The following FRMPD4 variants were observed in gnomAD, a reference collection of about 807,000 sequenced individuals.
The protein encoded by FRMPD4 is FERM and PDZ domain containing 4, also known as FERM and PDZ domain-containing protein 4.
A neutral mutation model predicts 94.1 loss-of-function variants in FRMPD4; 22 were observed. That is an observed-to-expected ratio of 0.23 (90% CI 0.17 to 0.33). FRMPD4 has a LOEUF of 0.33. FRMPD4 is among the 10% of genes least tolerant of loss of function. The probability of loss-of-function intolerance (pLI) is 1.00; values close to 1 mark genes in which losing one functional copy is unlikely to be tolerated. For synonymous variants in FRMPD4, 631 were observed against 548.6 expected, an observed-to-expected ratio of 1.15 and a Z score of -2.10; for missense variants, 1,111 against 1,339.9, an observed-to-expected ratio of 0.83 and a Z score of 2.67.
chrX:12,363,024 G>A (rs1427801080), intron 1 of FRMPD4, among the ~76,000 whole-genome samples: 3 of 112,128 alleles, frequency 2.7e-5, no homozygotes, highest in South Asian at 3.7e-4. Flanking sequence ...GTGTCTGTTC[G>A]TATCCCTCGC....
At chrX:11,886,244 AC>A (rs2053844466) in intron 3 of FRMPD4, among the ~76,000 whole-genome samples, 1 of 111,721 alleles carries the variant, frequency 9.0e-6, no homozygotes, top group African/African-American at 3.3e-5. Context: ...CCGAATATGC[AC>A]CCCAAGTTTT....
intron 1 of FRMPD4, among the ~76,000 whole-genome samples, chrX:12,390,629 G>A (rs765716681): frequency 4.5e-5 from 5 of 111,726 alleles, no homozygotes; most frequent in Non-Finnish European, 9.4e-5. Flanking sequence ...AGAAATTGAT[G>A]CCCCCAAAGA....
chrX:12,226,911 A>G (rs754974080), intron 1 of FRMPD4, among the ~76,000 whole-genome samples: 81 of 110,177 alleles, frequency 7.4e-4, no homozygotes, highest in African/African-American at 2.4e-3. Flanking sequence ...CCCTATATCA[A>G]TATTTTTAAA....
intron 1 of FRMPD4, among the ~76,000 whole-genome samples, chrX:12,189,421 A>G (rs2056463805): frequency 9.0e-6 from 1 of 111,376 alleles, no homozygotes; most frequent in Non-Finnish European, 1.9e-5. Flanking sequence ...TCATCTTATG[A>G]GGCCGGCAGT....
At chrX:12,353,406 A>AT (rs1490587582) in intron 1 of FRMPD4, among the ~76,000 whole-genome samples, 1 of 111,669 alleles carries the variant, frequency 9.0e-6, no homozygotes, top group Non-Finnish European at 1.9e-5. Flanking sequence ...CCTACTAAAC[A>AT]TTCTTCCCAA....
intron 2 of FRMPD4, among the ~76,000 whole-genome samples, chrX:12,581,079 G>A (rs112631034): frequency 1.1e-4 from 12 of 112,632 alleles, no homozygotes; most frequent in South Asian, 3.7e-4. Context: ...TGAACCACAC[G>A]TGTGCAAGCA....
intron 4 of FRMPD4, among the ~76,000 whole-genome samples, chrX:12,636,873 C>T (rs2059447939): frequency 8.9e-6 from 1 of 111,883 alleles, no homozygotes. Flanking sequence ...AGTGAGATAT[C>T]AAGTCCTCTC....
chrX:12,274,781 G>A (rs1330657567), intron 1 of FRMPD4, among the ~76,000 whole-genome samples: 6 of 112,404 alleles, frequency 5.3e-5, no homozygotes, highest in Admixed American at 1.9e-4. Context: ...AGGCCGAGGC[G>A]GGCGGATCAC....
intron 1 of FRMPD4, among the ~76,000 whole-genome samples, chrX:12,299,883 T>C (rs1277578746): frequency 8.9e-6 from 1 of 111,998 alleles, no homozygotes; most frequent in African/African-American, 3.2e-5. Context: ...TCTAAAACTC[T>C]CCAACAAAAG....
rs1332159334 is a variant in FRMPD4 at position 11,993,185 on chromosome X, C to T, written c.95+115167C>T. The stretch of plus-strand genomic sequence containing the variant: ...GATAACAATGTCTATGGGGTACCTG[C>T]TGTGGCTACATCCCTATATTAAGCA... On this transcript the variant is annotated intron_variant, in intron 3 of 18. Coordinates refer to the FRMPD4 transcript ENST00000640291. Among the ~76,000 whole-genome samples, 5 of 110,761 alleles carry T rather than the reference C, an allele frequency of 4.5e-5. 1 individual carries two copies. Among genetic ancestry groups the T allele is most frequent in the Admixed American group, 3.8e-4 (4 of 10,411 alleles).
At chrX:12,459,212 C>CT (rs200683507) in intron 1 of FRMPD4, among the ~76,000 whole-genome samples, 20,232 of 109,461 alleles carry the variant, frequency 0.18, 1,529 homozygotes, top group Non-Finnish European at 0.22. Flanking sequence ...TCCCAGGATC[C>CT]TTTTTTTTAA....
chrX:12,602,851 A>G (rs764283569), intron 2 of FRMPD4, among the ~76,000 whole-genome samples: 212 of 112,022 alleles, frequency 1.9e-3, no homozygotes, highest in Middle Eastern at 9.2e-3. Flanking sequence ...CAAACAAACT[A>G]GCATTTTTTA....
At chrX:12,708,456 G>A (rs1183579470) in intron 13 of FRMPD4, among the ~76,000 whole-genome samples, 7 of 91,570 alleles carry the variant, frequency 7.6e-5, no homozygotes, top group South Asian at 5.8e-4. Flanking sequence ...GTAACAGAGC[G>A]AGACTCCATC....
At chrX:12,536,233 A>G (rs984466872) in intron 2 of FRMPD4, among the ~76,000 whole-genome samples, 1 of 110,457 alleles carries the variant, frequency 9.1e-6, no homozygotes, top group African/African-American at 3.3e-5. Flanking sequence ...TGGATTGAAT[A>G]AAATCTAATT....
chrX:12,460,533 C>T (rs1265894666), intron 1 of FRMPD4, among the ~76,000 whole-genome samples: 2 of 111,929 alleles, frequency 1.8e-5, no homozygotes, highest in African/African-American at 6.5e-5. Flanking sequence ...ACCATGACAC[C>T]TTTGTTTAAA....
In FRMPD4 at chrX:12,557,487, A is replaced by G. The variant is rs185041866; in HGVS notation, c.159-52234A>G. Among the ~76,000 whole-genome samples the G allele has an allele frequency of 2.4e-3, 275 of 112,436 alleles. 1 individual carries two copies. Among genetic ancestry groups the G allele is most frequent in the African/African-American group, 8.7e-3 (271 of 31,019 alleles). On this transcript the variant is annotated intron_variant, in intron 2 of 16. Coordinates refer to ENST00000675598, the MANE Select transcript of FRMPD4 (RefSeq NM_001368397.1). ...AAGACAGTTTTTCAGCTATTCTTGTATTTCCAGCTTTTCTGAATAGCCATC... is the reference window on the plus strand; with the variant it reads ...AAGACAGTTTTTCAGCTATTCTTGTGTTTCCAGCTTTTCTGAATAGCCATC...
At chrX:12,109,713 C>A (rs6640894) in intron 3 of FRMPD4, among the ~76,000 whole-genome samples, 27,456 of 110,317 alleles carry the variant, frequency 0.25, 2,399 homozygotes, top group South Asian at 0.38. Flanking sequence ...ATCAAATAGA[C>A]GCAATAAAAA....
chrX:12,032,095 A>G (rs1023415836), intron 3 of FRMPD4, among the ~76,000 whole-genome samples: 2 of 112,076 alleles, frequency 1.8e-5, no homozygotes, highest in South Asian at 3.7e-4. Flanking sequence ...CAAAATAAAC[A>G]TGCATGCTTG....
At position 12,717,659 on chromosome X, in the gene FRMPD4, C is replaced by A. The variant is rs1479764993; in HGVS notation, c.2833C>A (p.Pro945Thr). ...MFLATHEGYH[P>T]LAEEQTEFPA... ...CTTGGCCACTCACGAAGGCTACCAC[C>A]CCCTTGCAGAAGAGCAGACCGAGTT... The change falls in exon 16 of 17, where the codon CCC becomes ACC. Residue 945 changes from proline to threonine, a missense_variant. Around this residue, in one of 8 missense-constraint regions of FRMPD4, gnomAD observed 551 missense variants for 591.6 expected, o/e 0.93. Coordinates refer to ENST00000675598, the MANE Select transcript of FRMPD4 (RefSeq NM_001368397.1). 4.1e-6 allele frequency: 5 copies of A among 1,209,795 alleles called. No homozygotes were observed. Among genetic ancestry groups the A allele is most frequent in the Non-Finnish European group, 4.5e-6 (4 of 894,770 alleles).
Sources: gnomAD v4.1 joint callset for allele counts (sites outside exome capture counted in the v4.1 genomes callset) on GRCh38, gnomAD v4.1.1 for gene constraint, gnomAD v4.1.1 regional missense constraint, MANE v1.5 for transcripts, NCBI Gene and HGNC (gene_info 2026-07-23, HGNC 2026-07-21) for gene names.